The following FBXO42 variants were observed in gnomAD, a reference collection of about 807,000 sequenced individuals.
FBXO42 encodes F-box only protein 42.
In FBXO42, 12 loss-of-function variants were observed where a neutral mutation model predicts 71.7. The ratio of observed to expected loss-of-function variants is 0.17; its 90% CI spans 0.11 to 0.27. The LOEUF is 0.27. Ranked by LOEUF, FBXO42 falls within the 10% of genes least tolerant of loss-of-function variation. The probability of loss-of-function intolerance (pLI) is 1.00; values close to 1 mark genes in which losing one functional copy is unlikely to be tolerated. For missense variants in FBXO42, 707 were observed against 911.9 expected (o/e 0.78, Z 2.89); for synonymous variants, 325 against 327.5 (o/e 0.99, Z 0.08).
chr1:16,340,615 G>A (rs774379649), intron 1 of FBXO42, among the ~76,000 whole-genome samples: 1 of 152,086 alleles, frequency 6.6e-6, no homozygotes, highest in Non-Finnish European at 1.5e-5. Context: ...CACTGCGCCC[G>A]GCCAACCCTC....
intron 4 of FBXO42, among the ~76,000 whole-genome samples, chr1:16,277,723 CAA>C (rs552327405): frequency 1.4e-4 from 14 of 101,764 alleles, no homozygotes; most frequent in Non-Finnish European, 1.4e-4. Flanking sequence ...GATTCTGTCT[CAA>C]AAAAAAAAAA....
At position 16,247,559 on chromosome 1, in the gene FBXO42, TTTTC is replaced by T. The variant is rs1170599010; in HGVS notation, c.*3107_*3110del. The T allele has an allele frequency of 2.6e-5, 4 of 152,252 alleles. No homozygotes were observed. The highest frequency in any genetic ancestry group is 5.9e-5 in the Non-Finnish European group (4 of 68,050). The allele number at this position is 152,252 out of a possible 1,614,324, so 9.4% of individuals were successfully genotyped here. ...TTCTTTCTTCCTCCTCCTCCTCCTC[TTTTC>T]TTTATTTTAAAGAGTTCCAACACAG... On this transcript the variant is annotated 3_prime_UTR_variant, in exon 10 of 10. Transcript: ENST00000375592.
chr1:16,330,178 TTC>T (rs1423895947), intron 1 of FBXO42, among the ~76,000 whole-genome samples: 3 of 152,160 alleles, frequency 2.0e-5, no homozygotes, highest in African/African-American at 4.8e-5. Flanking sequence ...AAATAAAACT[TTC>T]TGTGTATCTA....
chr1:16,346,706 A>C (rs2082657253), intron 1 of FBXO42, among the ~76,000 whole-genome samples: 5 of 150,622 alleles, frequency 3.3e-5, no homozygotes, highest in Admixed American at 3.3e-4. Context: ...AAAAAAAAAA[A>C]CAAGAGAAAA....
chr1:16,350,757 A>AAGAAAGAAAGAAAGAAAGAAAGAAAG (rs1553156685), intron 1 of FBXO42, among the ~76,000 whole-genome samples: 8 of 44,264 alleles, frequency 1.8e-4, no homozygotes, highest in Admixed American at 3.8e-4. Context: ...AAAAAAAAAA[A>AAGAAAGAAAGAAAGAAAGAAAGAAAG]AAAGAAAGAA....
intron 1 of FBXO42, among the ~76,000 whole-genome samples, chr1:16,330,654 A>G (rs918529094): frequency 6.6e-6 from 1 of 152,124 alleles, no homozygotes; most frequent in Non-Finnish European, 1.5e-5. Context: ...TAAAAATACA[A>G]AAATTGGCCA....
At chr1:16,317,881 T>TGGACTCCA (rs1012393401) in intron 1 of FBXO42, among the ~76,000 whole-genome samples, 3 of 147,556 alleles carry the variant, frequency 2.0e-5, no homozygotes, top group Non-Finnish European at 4.5e-5. Context: ...ACCACACCAC[T>TGGACTCCA]GGACTCCAGC....
chr1:16,351,368 A>C (rs973478422), intron 1 of FBXO42, among the ~76,000 whole-genome samples: 1 of 152,224 alleles, frequency 6.6e-6, no homozygotes, highest in Non-Finnish European at 1.5e-5. Context: ...CGGGGCCAGC[A>C]ACTGCCAGCA....
At chr1:16,296,047 C>T (rs2082125631) in intron 3 of FBXO42, among the ~76,000 whole-genome samples, 1 of 152,144 alleles carries the variant, frequency 6.6e-6, no homozygotes, top group South Asian at 2.1e-4. Flanking sequence ...GAGGCAATGA[C>T]TATCAGAAGG....
At chr1:16,261,815 T>C (rs912745988) in intron 4 of FBXO42, among the ~76,000 whole-genome samples, 2 of 152,134 alleles carry the variant, frequency 1.3e-5, no homozygotes, top group Non-Finnish European at 2.9e-5. Context: ...GGGATTCTCC[T>C]GCCTCAACCT....
intron 1 of FBXO42, among the ~76,000 whole-genome samples, chr1:16,318,980 T>C (rs1336961453): frequency 6.6e-6 from 1 of 152,172 alleles, no homozygotes; most frequent in Non-Finnish European, 1.5e-5. Flanking sequence ...AGTAAGTCCT[T>C]TTGAAGGGAT....
chr1:16,288,217 G>A (rs1569864240), intron 4 of FBXO42, among the ~76,000 whole-genome samples: 1 of 151,600 alleles, frequency 6.6e-6, no homozygotes, highest in Non-Finnish European at 1.5e-5. Flanking sequence ...GGATCACGAG[G>A]TCAAGAGATC....
chr1:16,266,605 T>C (rs1294561400), intron 4 of FBXO42, among the ~76,000 whole-genome samples: 2 of 152,136 alleles, frequency 1.3e-5, no homozygotes, highest in African/African-American at 4.8e-5. Flanking sequence ...ACCCCACAGA[T>C]GCTGTTTTTT....
chr1:16,293,306 A>G (rs1481859191), intron 4 of FBXO42: 1 of 152,122 alleles, frequency 6.6e-6, no homozygotes, highest in Admixed American at 6.6e-5. Flanking sequence ...TTTTTAGGAG[A>G]GACAGGGTTT....
intron 1 of FBXO42, among the ~76,000 whole-genome samples, chr1:16,336,489 C>G (rs2082554525): frequency 6.6e-6 from 1 of 151,630 alleles, no homozygotes; most frequent in Non-Finnish European, 1.5e-5. Flanking sequence ...TCCTGAGTAG[C>G]TGGGATTACA....
chr1:16,268,027 C>A (rs1399603771), intron 4 of FBXO42, among the ~76,000 whole-genome samples: 2 of 152,044 alleles, frequency 1.3e-5, no homozygotes, highest in Non-Finnish European at 1.5e-5. Context: ...TTCCTTGTTA[C>A]CATTTCAAGT....
intron 4 of FBXO42, among the ~76,000 whole-genome samples, chr1:16,258,755 G>C (rs1347546326): frequency 6.6e-6 from 1 of 151,578 alleles, no homozygotes; most frequent in Non-Finnish European, 1.5e-5. Context: ...TATTAATCTT[G>C]AGACAGGGTC....
rs952444614 is a variant in FBXO42, at chr1:16,249,408, A to G, written c.*1262T>C. On this transcript the variant is annotated 3_prime_UTR_variant, in exon 10 of 10. Coordinates refer to ENST00000375592, the MANE Select transcript of FBXO42 (RefSeq NM_018994.3). ...AGCCATGCGTCAAGAAGTCAAGTAC[A>G]TGATTCTCAACTCCATCACCTGCCA... is the stretch of plus-strand genomic sequence containing the variant. 6.6e-6 allele frequency: 1 copy of G among 152,226 alleles called. No homozygotes were observed. Among genetic ancestry groups the G allele is most frequent in the Non-Finnish European group, 1.5e-5 (1 of 68,040 alleles). The allele number at this position is 152,226 out of a possible 1,614,324, so 9.4% of individuals were successfully genotyped here. A position where few individuals can be genotyped will look rare whatever the true frequency, so the allele number is the denominator to read the frequency against.
At chr1:16,291,365 T>C (rs187659262) in intron 4 of FBXO42, among the ~76,000 whole-genome samples, 33 of 152,048 alleles carry the variant, frequency 2.2e-4, no homozygotes, top group Admixed American at 1.2e-3. Flanking sequence ...GAGAATCTCA[T>C]GGGACTTTTT....
Sources: allele counts gnomAD v4.1 joint callset (sites outside exome capture counted in the v4.1 genomes callset), GRCh38; gene constraint gnomAD v4.1.1; transcripts MANE v1.5; gene names NCBI Gene and HGNC (gene_info 2026-07-23, HGNC 2026-07-21).